OTOGL: variants seen among roughly 807,000 people sequenced by gnomAD.
OTOGL encodes otogelin like.
Under a neutral mutation model 318.5 loss-of-function variants are expected in OTOGL, and 285 were observed. The ratio of observed to expected loss-of-function variants is 0.89; its 90% CI spans 0.81 to 0.99. OTOGL has a LOEUF of 0.99. OTOGL is among the 50% of genes least tolerant of loss of function. The pLI, the probability that OTOGL is intolerant of heterozygous loss-of-function variation, is 0.00. For synonymous variants in OTOGL, 987 were observed against 936.5 expected, an observed-to-expected ratio of 1.05 and a Z score of -0.99; for missense variants, 2,899 against 2,845.6, an observed-to-expected ratio of 1.02 and a Z score of -0.43.
intron 57 of OTOGL, among the ~76,000 whole-genome samples, chr12:80,375,026 TCTG>T (rs1027283831): frequency 2.0e-5 from 3 of 152,144 alleles, no homozygotes; most frequent in African/African-American, 4.8e-5. Flanking sequence ...ATCTTTCAAC[TCTG>T]CTAAGTTCTT....
chr12:80,216,417 A>G (rs2137329429), intron 4 of OTOGL, among the ~76,000 whole-genome samples: 1 of 152,282 alleles, frequency 6.6e-6, no homozygotes, highest in South Asian at 2.1e-4. Context: ...TGGAAAGAAT[A>G]TTGCCCCAGC....
chr12:80,326,005 A>G (rs1382958058), intron 35 of OTOGL, among the ~76,000 whole-genome samples: 1 of 152,124 alleles, frequency 6.6e-6, no homozygotes, highest in Non-Finnish European at 1.5e-5. Flanking sequence ...GAGACTCACG[A>G]TGAAACTTCG....
intron 1 of OTOGL, among the ~76,000 whole-genome samples, chr12:80,122,042 A>G (rs1870518430): frequency 6.6e-6 from 1 of 152,190 alleles, no homozygotes; most frequent in African/African-American, 2.4e-5. Flanking sequence ...CACCAAATCC[A>G]TCTGAGGCTC....
At chr12:80,300,714 A>T (rs888117620) in intron 27 of OTOGL, among the ~76,000 whole-genome samples, 4 of 152,084 alleles carry the variant, frequency 2.6e-5, no homozygotes, top group African/African-American at 9.7e-5. Flanking sequence ...CTCACAGAGG[A>T]GGGAGCATAT....
intron 57 of OTOGL, 59 bp downstream of exon 57, chr12:80,372,123 G>A (rs1371809756): frequency 1.7e-6 from 2 of 1,188,788 alleles, no homozygotes; most frequent in Non-Finnish European, 1.1e-6. Flanking sequence ...TGCTCATAGT[G>A]ATTATGGTTT....
chr12:80,251,507 C>A (rs1332757134), intron 11 of OTOGL, among the ~76,000 whole-genome samples, 186 bp from the exon 12 acceptor site: 1 of 152,146 alleles, frequency 6.6e-6, no homozygotes, highest in Non-Finnish European at 1.5e-5. Flanking sequence ...TAGCTGGGGA[C>A]CCATGCTCAT....
chr12:80,368,968 A>G (rs762425234), intron 55 of OTOGL, among the ~76,000 whole-genome samples: 1 of 151,926 alleles, frequency 6.6e-6, no homozygotes, highest in African/African-American at 2.4e-5. Context: ...ACCTATATAT[A>G]AAGTACAAAA....
chr12:80,203,709 G>T (rs1351138433), intron 1 of OTOGL, among the ~76,000 whole-genome samples: 1 of 152,136 alleles, frequency 6.6e-6, no homozygotes, highest in Non-Finnish European at 1.5e-5. Flanking sequence ...TTCCCCTCCA[G>T]TGGAATCTGT....
intron 1 of OTOGL, among the ~76,000 whole-genome samples, chr12:80,197,841 T>C (rs1235264594): frequency 6.6e-6 from 1 of 152,236 alleles, no homozygotes; most frequent in Non-Finnish European, 1.5e-5. Flanking sequence ...TTCTCCTCTT[T>C]CCTCACTGGG....
chr12:80,288,100 C>A (rs1455495986), intron 26 of OTOGL, among the ~76,000 whole-genome samples: 1 of 152,124 alleles, frequency 6.6e-6, no homozygotes, highest in Non-Finnish European at 1.5e-5. Flanking sequence ...CTGGTGGTGA[C>A]AAAATCCCTC....
chr12:80,148,156 C>G (rs1872531026), intron 1 of OTOGL, among the ~76,000 whole-genome samples: 1 of 151,324 alleles, frequency 6.6e-6, no homozygotes, highest in South Asian at 2.1e-4. Context: ...TCTCGATGGT[C>G]TTTACATTTT....
intron 1 of OTOGL, among the ~76,000 whole-genome samples, chr12:80,117,834 T>C (rs1870257266): frequency 6.6e-6 from 1 of 152,248 alleles, no homozygotes; most frequent in Admixed American, 6.5e-5. Context: ...TTCTTGTTCA[T>C]ATTTTCCTGC....
intron 29 of OTOGL, among the ~76,000 whole-genome samples, chr12:80,307,829 C>G (rs1233106314): frequency 7.4e-6 from 1 of 134,362 alleles, no homozygotes; most frequent in African/African-American, 3.1e-5. Flanking sequence ...GCAGAGGCAC[C>G]CCTCACCTCC....
At chr12:80,211,235 A>G (rs935949164) in intron 3 of OTOGL, among the ~76,000 whole-genome samples, 6 of 152,026 alleles carry the variant, frequency 3.9e-5, no homozygotes, top group Non-Finnish European at 5.9e-5. Context: ...ATTAATATAC[A>G]TTATTGATAA....
chr12:80,311,295 C>T (rs1273693561), intron 30 of OTOGL, among the ~76,000 whole-genome samples: 1 of 152,184 alleles, frequency 6.6e-6, no homozygotes, highest in African/African-American at 2.4e-5. Context: ...TGAGGGAACT[C>T]ACTTGTATGA....
chr12:80,129,041 A>G (rs1325003023), intron 1 of OTOGL, among the ~76,000 whole-genome samples: 1 of 152,148 alleles, frequency 6.6e-6, no homozygotes, highest in Non-Finnish European at 1.5e-5. Flanking sequence ...CACTGCACCC[A>G]CTGTCCTGCA....
intron 51 of OTOGL, 24 bp downstream of exon 51, chr12:80,358,799 G>A (rs145638715): frequency 7.5e-5 from 119 of 1,576,642 alleles, no homozygotes; most frequent in Non-Finnish European, 9.7e-5. Context: ...ATATTTTAAG[G>A]TTTCATTATA....
chr12:80,313,439 C>G (rs1375570734), intron 30 of OTOGL, 37 bp from the exon 31 acceptor site: 12 of 1,541,774 alleles, frequency 7.8e-6, no homozygotes, highest in Admixed American at 7.0e-5. Flanking sequence ...TAATCAGTAT[C>G]TATTGAAATT....
chr12:80,367,769 A>G, intron 54 of OTOGL, 30 bp downstream of exon 54: 2 of 1,311,444 alleles, frequency 1.5e-6, no homozygotes, highest in African/African-American at 3.1e-5. Flanking sequence ...TATTCTGGTG[A>G]GAGTTAATGC....
Sources: allele counts gnomAD v4.1 joint callset (sites outside exome capture counted in the v4.1 genomes callset), GRCh38; gene constraint gnomAD v4.1.1; transcripts MANE v1.5; gene names NCBI Gene and HGNC (gene_info 2026-07-23, HGNC 2026-07-21).